The following TAB2 variants were observed in gnomAD, a reference collection of about 807,000 sequenced individuals.
TAB2 encodes the protein TGF-beta activated kinase 1 (MAP3K7) binding protein 2.
In TAB2, 3 loss-of-function variants were observed where a neutral mutation model predicts 65.0. The ratio of observed to expected loss-of-function variants is 0.05; its 90% CI spans 0.02 to 0.12. The LOEUF is 0.12. TAB2 is among the 10% of genes least tolerant of loss of function. The pLI is 1.00. For missense variants in TAB2, 623 were observed against 840.3 expected (o/e 0.74, Z 3.20); for synonymous variants, 298 against 285.1 (o/e 1.05, Z -0.46).
intron 1 of TAB2, among the ~76,000 whole-genome samples, chr6:149,328,156 A>G (rs1039715431): frequency 3.3e-5 from 5 of 152,240 alleles, no homozygotes; most frequent in Non-Finnish European, 5.9e-5. Flanking sequence ...ATCAACTTTT[A>G]TAGAATATCA....
chr6:149,354,269 A>G (rs1364721981), intron 1 of TAB2, among the ~76,000 whole-genome samples: 1 of 152,234 alleles, frequency 6.6e-6, no homozygotes, highest in African/African-American at 2.4e-5. Context: ...TAGGTAAACA[A>G]GCACTCTACA....
chr6:149,300,307 G>A (rs775642543), intron 1 of TAB2, among the ~76,000 whole-genome samples: 1 of 152,190 alleles, frequency 6.6e-6, no homozygotes, highest in Admixed American at 6.5e-5. Context: ...CAACAGAGTG[G>A]TTTTGATCAA....
At chr6:149,398,159 G>T in intron 5 of TAB2, 97 bp downstream of exon 5, 1 of 1,039,142 alleles carries the variant, frequency 9.6e-7, no homozygotes, top group East Asian at 2.6e-5. Flanking sequence ...TAATCTTACT[G>T]TCTCAGAACA....
chr6:149,300,349 G>C (rs1184641526), intron 1 of TAB2, among the ~76,000 whole-genome samples: 2 of 152,198 alleles, frequency 1.3e-5, no homozygotes, highest in Admixed American at 1.3e-4. Context: ...TGGGTGCGAG[G>C]TTGACAGGGT....
At chr6:149,400,810 G>C (rs539984059) in intron 6 of TAB2, 2 of 1,028,844 alleles carry the variant, frequency 1.9e-6, no homozygotes, top group African/African-American at 1.6e-5. Context: ...CTATTCTTTT[G>C]TTTCCCCCTT....
At chr6:149,350,562 G>T (rs521845) in intron 1 of TAB2, among the ~76,000 whole-genome samples, 60,978 of 149,646 alleles carry the variant, frequency 0.41, 12,573 homozygotes, top group East Asian at 0.6. Flanking sequence ...AGAAGTGAAC[G>T]TTATGTATTT....
intron 1 of TAB2, among the ~76,000 whole-genome samples, chr6:149,333,440 C>T (rs1779839669): frequency 6.6e-6 from 1 of 152,058 alleles, no homozygotes; most frequent in Admixed American, 6.6e-5. Context: ...GAGTTGAGTC[C>T]ATAATAGCAT....
At chr6:149,409,134 G>A (rs554607742) in intron 6 of TAB2, among the ~76,000 whole-genome samples, 2 of 152,206 alleles carry the variant, frequency 1.3e-5, no homozygotes, top group East Asian at 1.9e-4. Context: ...TGGAGAACAT[G>A]AATTGACAAA....
chr6:149,236,754 A>G lies in TAB2; in HGVS notation c.-121+17978A>G, dbSNP rs1777503181. Among the ~76,000 whole-genome samples, 3 of 152,332 alleles carry G rather than the reference A, an allele frequency of 2.0e-5. No homozygotes were observed. The South Asian group carries it at 6.2e-4, about 32-fold the overall frequency. ...CTGCATATGTTGGCTTCCCTAGGCT[A>G]CTGTTATTTTGTTTGGAAGGGGTCC... On this transcript the variant is annotated intron_variant, in intron 1 of 1. Transcript: ENST00000606202.
At chr6:149,403,247 A>AATATATATATAT (rs71010865) in intron 6 of TAB2, among the ~76,000 whole-genome samples, 8 of 44,032 alleles carry the variant, frequency 1.8e-4, no homozygotes, top group Admixed American at 3.1e-4. Context: ...AAAAAAAAAA[A>AATATATATATAT]ATATATATAT....
chr6:149,228,431 A>G (rs1055928200), intron 1 of TAB2, among the ~76,000 whole-genome samples: 8 of 152,166 alleles, frequency 5.3e-5, no homozygotes, highest in African/African-American at 1.9e-4. Flanking sequence ...GGGTGTAAGA[A>G]TGGAAGAGTG....
At chr6:149,299,727 C>G (rs903163034) in intron 1 of TAB2, among the ~76,000 whole-genome samples, 1 of 152,150 alleles carries the variant, frequency 6.6e-6, no homozygotes, top group African/African-American at 2.4e-5. Context: ...AAAGTTTTTA[C>G]TACACCAGGG....
chr6:149,395,083 C>T (rs114299776), intron 3 of TAB2, among the ~76,000 whole-genome samples: 25 of 152,340 alleles, frequency 1.6e-4, no homozygotes, highest in African/African-American at 5.8e-4. Context: ...TACTCCCTGG[C>T]CCCAATCTCT....
intron 1 of TAB2, among the ~76,000 whole-genome samples, chr6:149,295,866 G>A (rs994360475): frequency 2.0e-5 from 3 of 151,938 alleles, no homozygotes; most frequent in East Asian, 3.9e-4. Flanking sequence ...TCTGCCTCCC[G>A]GTTCAACCAA....
At chr6:149,392,045 C>G in intron 3 of TAB2, among the ~76,000 whole-genome samples, 1 of 151,140 alleles carries the variant, frequency 6.6e-6, no homozygotes, top group East Asian at 1.9e-4. Context: ...GTTCTCGTCT[C>G]TCTGCTATGT....
chr6:149,260,134 A>G (rs539020620), intron 1 of TAB2, among the ~76,000 whole-genome samples: 2 of 152,224 alleles, frequency 1.3e-5, no homozygotes, highest in Non-Finnish European at 2.9e-5. Context: ...AATATCACAC[A>G]TGGCCACTGT....
At chr6:149,353,323 A>G (rs763360099) in intron 1 of TAB2, among the ~76,000 whole-genome samples, 7 of 152,220 alleles carry the variant, frequency 4.6e-5, no homozygotes. Flanking sequence ...TAGGTAACGC[A>G]GGAATATAAT....
At chr6:149,323,352 AAAGT>A (rs1464052554) in intron 1 of TAB2, among the ~76,000 whole-genome samples, 1 of 152,166 alleles carries the variant, frequency 6.6e-6, no homozygotes, top group Admixed American at 6.5e-5. Context: ...TCAAAGTGAA[AAAGT>A]AATATAGCAG....
chr6:149,399,079 T>C (rs755397445), intron 5 of TAB2, 25 bp from the exon 6 acceptor site: 1 of 1,573,832 alleles, frequency 6.4e-7, no homozygotes, highest in Non-Finnish European at 8.7e-7. Flanking sequence ...TAAGCATTGA[T>C]ATATTTACTT....
Sources: gnomAD v4.1 joint callset for allele counts (sites outside exome capture counted in the v4.1 genomes callset) on GRCh38, gnomAD v4.1.1 for gene constraint, MANE v1.5 for transcripts, NCBI Gene and HGNC (gene_info 2026-07-23, HGNC 2026-07-21) for gene names.